IRX6: variants seen among roughly 807,000 people sequenced by gnomAD.
The protein encoded by IRX6 is iroquois homeobox 6.
In IRX6, 46 loss-of-function variants were observed where a neutral mutation model predicts 47.7. That is an observed-to-expected ratio of 0.96 (90% CI 0.76 to 1.23). The LOEUF is 1.23. Ranked by LOEUF, IRX6 falls within the 50% of genes most tolerant of loss-of-function variation. IRX6 has a pLI of 0.00. For synonymous variants in IRX6, 265 were observed against 246.2 expected (o/e 1.08, Z -0.72); for missense variants, 722 against 588.0 (o/e 1.23, Z -2.36).
Position 55,327,687 on chromosome 16 carries a change from C to T in IRX6, c.515C>T (p.Pro172Leu), listed in dbSNP as rs1322731737. ...KAWLNEHRKNPYPTKGEKIML... is the reference protein window; with the variant it reads ...KAWLNEHRKNLYPTKGEKIML... ...TGGCTCAACGAGCACCGCAAAAACCCCTACCCCACTAAGGGTGAGAAGATC... is the reference window on the plus strand; with the variant it reads ...TGGCTCAACGAGCACCGCAAAAACCTCTACCCCACTAAGGGTGAGAAGATC... The change falls in exon 4 of 6, where the codon CCC becomes CTC. Residue 172 changes from proline (P) to leucine (L), a missense_variant. Physicochemically the swap from Pro to Leu is moderately conservative, Grantham distance 98. Coordinates refer to ENST00000290552, the MANE Select transcript of IRX6 (RefSeq NM_024335.3). 6 of 1,612,304 alleles carry T rather than the reference C, an allele frequency of 3.7e-6. No individual in the cohort carries two copies. In the African/African-American group the frequency reaches 4.0e-5, roughly 11 times the overall value.
chr16:55,327,270 TG>T (rs1240547827), intron 2 of IRX6, 25 bp from the exon 3 acceptor site: 2 of 1,563,222 alleles, frequency 1.3e-6, no homozygotes, highest in East Asian at 2.2e-5. Flanking sequence ...ACTGTACTCC[TG>T]AATTCTCTTT....
rs1567338168 is a variant in IRX6, at chr16:55,324,761, C to A, written c.-331C>A. On this transcript the variant is annotated 5_prime_UTR_variant, in exon 1 of 6. Transcript: ENST00000290552. This position sits in a 1 kb window ranked among gnomAD's most constrained non-coding sequence, Gnocchi z 4.4. ...CCTCTGGCCACCTTGGACTGGGACA[C>A]CTCCGGAGCCTCACAGCCCCGCGCC... 7.4e-6 allele frequency: 3 copies of A among 403,326 alleles called. No individual in the cohort carries two copies. The highest frequency in any genetic ancestry group is 2.6e-5 in the South Asian group (1 of 38,302). The allele number at this position is 403,326 out of a possible 1,614,324, so 25.0% of individuals were successfully genotyped here.
intron 5 of IRX6, among the ~76,000 whole-genome samples, 164 bp from the exon 6 acceptor site, chr16:55,330,134 A>G (rs1960616710): frequency 6.6e-6 from 1 of 152,256 alleles, no homozygotes; most frequent in South Asian, 2.1e-4. Flanking sequence ...AAAGTGGGTT[A>G]CACTGTTATT....
Position 55,330,306 on chromosome 16 carries a change from C to G in IRX6, c.*1C>G. ...AACCTTTCCTCTCTCAGCAGGTTAG[C>G]GCAATGGCTGCGATTTGCGAAAGAA... is the stretch of plus-strand genomic sequence containing the variant. On this transcript the variant is annotated 3_prime_UTR_variant, in exon 6 of 6. Coordinates refer to ENST00000290552, the MANE Select transcript of IRX6 (RefSeq NM_024335.3). 1 of 1,613,748 alleles carries G rather than the reference C, an allele frequency of 6.2e-7. No individual in the cohort carries two copies.
In IRX6 at chr16:55,328,881, G is replaced by T. The variant is rs1426555844; in HGVS notation, c.903G>T (p.Glu301Asp). The change falls in exon 5 of 6, where the codon GAG (glutamate) becomes GAT (aspartate). Residue 301 changes from glutamate to aspartate, a missense_variant. Physicochemically the swap from Glu to Asp is conservative, Grantham distance 45. Coordinates refer to ENST00000290552, the MANE Select transcript of IRX6 (RefSeq NM_024335.3). ...SLPGPCAAAR[E>D]GRLERRECGL... ...CTGGGCCGTGCGCTGCAGCTCGAGA[G>T]GGCCGATTGGAGCGCAGGGAGTGCG... 1 of 1,612,942 alleles carries T rather than the reference G, an allele frequency of 6.2e-7. No individual in the cohort carries two copies. Among genetic ancestry groups the T allele is most frequent in the Non-Finnish European group, 8.5e-7 (1 of 1,179,978 alleles).
chr16:55,329,150 G>T lies in IRX6; in HGVS notation c.1172G>T (p.Arg391Leu). 1.9e-6 allele frequency: 3 copies of T among 1,614,108 alleles called. No homozygotes were observed. The highest frequency in any genetic ancestry group is 2.5e-6 in the Non-Finnish European group (3 of 1,180,034). The change falls in exon 5 of 6, where the codon CGA (arginine) becomes CTA (leucine). Residue 391 changes from arginine (R) to leucine (L), a missense_variant. Coordinates refer to ENST00000290552, the MANE Select transcript of IRX6 (RefSeq NM_024335.3). ...GGACAGCCTCCTGCCTCTGCCCGGC[G>T]ACTCTCAGTCCCCAGAGACTCCGCG... ...IPGQPPASAR[R>L]LSVPRDSACD...
chr16:55,330,404 A>G lies in IRX6; in HGVS notation c.*99A>G. 2 of 1,188,050 alleles carry G rather than the reference A, an allele frequency of 1.7e-6. No individual in the cohort carries two copies. The highest frequency in any genetic ancestry group is 2.5e-6 in the Non-Finnish European group (2 of 792,078). The allele number at this position is 1,188,050 out of a possible 1,614,324, so 73.6% of individuals were successfully genotyped here. A position where few individuals can be genotyped will look rare whatever the true frequency, so the allele number is the denominator to read the frequency against. On this transcript the variant is annotated 3_prime_UTR_variant, in exon 6 of 6. Coordinates refer to ENST00000290552, the MANE Select transcript of IRX6 (RefSeq NM_024335.3). Reference sequence around the variant, plus strand: ...CTGCCAGACCTTGCCAGGGACCAGGAGCTCTCACTTTGCCTAAGAGACAGA... The same window carrying G: ...CTGCCAGACCTTGCCAGGGACCAGGGGCTCTCACTTTGCCTAAGAGACAGA...
intron 2 of IRX6, among the ~76,000 whole-genome samples, 199 bp from the exon 3 acceptor site, chr16:55,327,097 C>T (rs1269100840): frequency 6.6e-6 from 1 of 152,020 alleles, no homozygotes; most frequent in African/African-American, 2.4e-5. Flanking sequence ...TCTTCAATAA[C>T]CTATAAGTAC....
rs1185967174 is a variant in IRX6, at chr16:55,327,850, A to C, written c.678A>C (p.Gly226=). ...GTGGGGAGGAGAGGAAGGCAGAGGG[A>C]GGAGAGGAGGACTCACTAGGCTGCC... ...NKGGEERKAE[G]GEEDSLGCLT... The change falls in exon 4 of 6, where the codon GGA becomes GGC. Residue 226 remains glycine (G), a synonymous_variant. Transcript: ENST00000290552. 1.9e-6 allele frequency: 3 copies of C among 1,612,400 alleles called. No homozygotes were observed. The highest frequency in any genetic ancestry group is 2.5e-6 in the Non-Finnish European group (3 of 1,179,482).
At position 55,325,011 on chromosome 16, in the gene IRX6, C is replaced by T; in HGVS notation, c.-81C>T. ...CGCAGCGGTGTAAGGAACTGAGACACCTCACTGCTGGGGGCGCGGAACAGC... is the reference window on the plus strand; with the variant it reads ...CGCAGCGGTGTAAGGAACTGAGACATCTCACTGCTGGGGGCGCGGAACAGC... On this transcript the variant is annotated 5_prime_UTR_variant, in exon 1 of 6. Coordinates refer to ENST00000290552, the MANE Select transcript of IRX6 (RefSeq NM_024335.3). 7.6e-6 allele frequency: 11 copies of T among 1,449,344 alleles called. No homozygotes were observed. The South Asian group carries it at 1.3e-4, about 17-fold the overall frequency. The allele number at this position is 1,449,344 out of a possible 1,614,324, so 89.8% of individuals were successfully genotyped here.
Position 55,329,264 on chromosome 16 carries a change from G to A in IRX6, c.1286G>A (p.Arg429Gln), listed in dbSNP as rs760982735. 4 of 1,613,010 alleles carry A rather than the reference G, an allele frequency of 2.5e-6. No individual in the cohort carries two copies. In the African/African-American group the frequency reaches 4.0e-5, roughly 16 times the overall value. Residue 429 changes from arginine to glutamine, a missense_variant, in exon 5 of 6, where the codon CGG (arginine) becomes CAG (glutamine). Coordinates refer to ENST00000290552, the MANE Select transcript of IRX6 (RefSeq NM_024335.3). Reference sequence around the variant, plus strand: ...CCGCTGAACTGTGCGCCGTGCCCGCGGAGGAGCGAGCCTGTAGTGCAGTGC... The same window carrying A: ...CCGCTGAACTGTGCGCCGTGCCCGCAGAGGAGCGAGCCTGTAGTGCAGTGC... Reference protein sequence around the residue: ...GLPLNCAPCPRRSEPVVQCQY... With the variant: ...GLPLNCAPCPQRSEPVVQCQY...
At position 55,324,978 on chromosome 16, in the gene IRX6, TG is replaced by T; in HGVS notation, c.-111del. 1 of 1,149,546 alleles carries T rather than the reference TG, an allele frequency of 8.7e-7. No individual in the cohort carries two copies. Among genetic ancestry groups the T allele is most frequent in the South Asian group, 1.3e-5 (1 of 78,156 alleles). 71.2% of individuals were successfully genotyped at this position (1,149,546 alleles called of 1,614,324 possible). On this transcript the variant is annotated 5_prime_UTR_variant, in exon 1 of 6. It removes the in-frame stop codon of an upstream open reading frame in the 5' UTR. Transcript: ENST00000290552. The surrounding 1 kb of genome is among the most constrained non-coding windows in gnomAD (Gnocchi z 4.4). Reference sequence around the variant, plus strand: ...GCCAACCAGGCGAAGGAACCGGCGCTGGGCATCCGCAGCGGTGTAAGGAACT... The same window carrying T: ...GCCAACCAGGCGAAGGAACCGGCGCTGGCATCCGCAGCGGTGTAAGGAACT...
rs1960523777 is a variant in IRX6, at chr16:55,326,370, G to T, written c.80G>T (p.Cys27Phe). ...TCGGCAAGTTCCAGCACCACATGCT[G>T]CGAATCTACCCAACGCTCTGTCTCA... ...LASASSSTTC[C>F]ESTQRSVSDV... Residue 27 changes from cysteine to phenylalanine, a missense_variant, in exon 2 of 6, where the codon TGC (cysteine) becomes TTC (phenylalanine). Cys to Phe is a radical substitution (Grantham distance 205). Transcript: ENST00000290552. 6.2e-7 allele frequency: 1 copy of T among 1,613,826 alleles called. No homozygotes were observed. The highest frequency in any genetic ancestry group is 8.5e-7 in the Non-Finnish European group (1 of 1,180,012).
rs1384963719 is a variant in IRX6, at chr16:55,329,103, T to G, written c.1125T>G (p.Ser375Arg). Reference sequence around the variant, plus strand: ...CCCCAGCCCGGCCTAGGCCACGAAGTCCTGAGTGCCGTATGATTCCTGGAC... The same window carrying G: ...CCCCAGCCCGGCCTAGGCCACGAAGGCCTGAGTGCCGTATGATTCCTGGAC... ...GAPPARPRPR[S>R]PECRMIPGQP... The change falls in exon 5 of 6, where the codon AGT becomes AGG. Residue 375 changes from serine to arginine, a missense_variant. Physicochemically the swap from Ser to Arg is moderately radical, Grantham distance 110. Coordinates refer to ENST00000290552, the MANE Select transcript of IRX6 (RefSeq NM_024335.3). 1.2e-6 allele frequency: 2 copies of G among 1,613,908 alleles called. No homozygotes were observed. Among genetic ancestry groups the G allele is most frequent in the Admixed American group, 1.7e-5 (1 of 60,024 alleles).
rs1491427085 is a variant in IRX6, at chr16:55,325,530, G to GGAAGGAAGGAAAGA, written c.45+396_45+397insAGGAAGGAAAGAGA. Among the ~76,000 whole-genome samples the GGAAGGAAGGAAAGA allele has an allele frequency of 1.2e-3, 11 of 9,084 alleles. 4 individuals carry two copies. The highest frequency in any genetic ancestry group is 9.1e-3 in the South Asian group (1 of 110). 6.0% of individuals were successfully genotyped at this position (9,084 alleles called of 152,430 possible). On this transcript the variant is annotated intron_variant, in intron 1 of 5. Transcript: ENST00000290552. ...AGGAAGGAAGGAAGGAAGGAAGGAA[G>GGAAGGAAGGAAAGA]GAGAGAGAGAGAGAGAGAGAGAGAG...
In IRX6 at chr16:55,324,913, G is replaced by C. The variant is rs1960481756; in HGVS notation, c.-179G>C. ...GGAGGGGCGCCTTCCGGAGCGCAGG[G>C]CTCGGCAGCCGGGCTGCCCTCGGCT... On this transcript the variant is annotated 5_prime_UTR_variant, in exon 1 of 6. Coordinates refer to ENST00000290552, the MANE Select transcript of IRX6 (RefSeq NM_024335.3). This position sits in a 1 kb window ranked among gnomAD's most constrained non-coding sequence, Gnocchi z 4.4. 1.6e-6 allele frequency: 1 copy of C among 635,480 alleles called. No homozygotes were observed. Among genetic ancestry groups the C allele is most frequent in the South Asian group, 1.9e-5 (1 of 52,692 alleles). 39.4% of individuals were successfully genotyped at this position (635,480 alleles called of 1,614,324 possible). A position where few individuals can be genotyped will look rare whatever the true frequency, so the allele number is the denominator to read the frequency against.
Position 55,330,453 on chromosome 16 carries a change from T to C in IRX6, c.*148T>C. On this transcript the variant is annotated 3_prime_UTR_variant, in exon 6 of 6. Coordinates refer to ENST00000290552, the MANE Select transcript of IRX6 (RefSeq NM_024335.3). ...GACACACAGAAACCCTCCTAGCAGC[T>C]GTCCTTGCACGCAGAGCTGGGGTGG... is the stretch of plus-strand genomic sequence containing the variant. 1.3e-6 allele frequency: 1 copy of C among 795,856 alleles called. No homozygotes were observed. The highest frequency in any genetic ancestry group is 2.2e-6 in the Non-Finnish European group (1 of 459,850). 49.3% of individuals were successfully genotyped at this position (795,856 alleles called of 1,614,324 possible). A position where few individuals can be genotyped will look rare whatever the true frequency, so the allele number is the denominator to read the frequency against.
chr16:55,326,975 G>GGGGGGGGGGGGGGGAAT (rs1960542181), intron 2 of IRX6: 1 of 113,630 alleles, frequency 8.8e-6, no homozygotes. Flanking sequence ...GTGGGGGGCA[G>GGGGGGGGGGGGGGGAAT]TAAGGGGGGA....
Position 55,327,568 on chromosome 16 carries a change from C to G in IRX6, c.414-18C>G, listed in dbSNP as rs779324538. On this transcript the variant is annotated intron_variant, in intron 3 of 5. Coordinates refer to ENST00000290552, the MANE Select transcript of IRX6 (RefSeq NM_024335.3). ...CCTTGTTCCTCTTCTATAATGTGAGCCAGGTTCTCCCCCACAGGTATGGCG... is the reference window on the plus strand; with the variant it reads ...CCTTGTTCCTCTTCTATAATGTGAGGCAGGTTCTCCCCCACAGGTATGGCG... 1 of 1,582,450 alleles carries G rather than the reference C, an allele frequency of 6.3e-7. No homozygotes were observed. The highest frequency in any genetic ancestry group is 8.6e-7 in the Non-Finnish European group (1 of 1,164,140).
Sources: allele counts gnomAD v4.1 joint callset (sites outside exome capture counted in the v4.1 genomes callset), GRCh38; gene constraint gnomAD v4.1.1; non-coding constraint Gnocchi (gnomAD v3.1); transcripts MANE v1.5; gene names NCBI Gene and HGNC (gene_info 2026-07-23, HGNC 2026-07-21).